Variants in ELMO1 observed in about 807,000 individuals in gnomAD.
ELMO1 encodes engulfment and cell motility 1, also known as engulfment and cell motility protein 1.
Under a neutral mutation model 98.9 loss-of-function variants are expected in ELMO1, and 26 were observed. The ratio of observed to expected loss-of-function variants is 0.26; its 90% confidence interval spans 0.19 to 0.36. ELMO1 has a LOEUF of 0.36. Among genes scored for constraint, ELMO1 ranks in the 10% least tolerant of loss-of-function variants. ELMO1 has a pLI of 1.00. For missense variants in ELMO1, 627 were observed against 935.2 expected (o/e 0.67, Z 4.30); for synonymous variants, 346 against 346.0 (o/e 1.00, Z 0.00).
intron 4 of ELMO1, among the ~76,000 whole-genome samples, chr7:37,290,501 A>G (rs1797619904): frequency 1.3e-5 from 2 of 152,240 alleles, no homozygotes; most frequent in South Asian, 4.1e-4. Context: ...CACAGAAACT[A>G]TTCAATAAGA....
At chr7:37,032,467 T>C (rs976720631) in intron 15 of ELMO1, among the ~76,000 whole-genome samples, 1 of 152,194 alleles carries the variant, frequency 6.6e-6, no homozygotes, top group Non-Finnish European at 1.5e-5. Context: ...AAAGGAGGGA[T>C]GCTCGAAGGA....
chr7:37,359,332 T>C (rs1210694072), intron 1 of ELMO1, among the ~76,000 whole-genome samples: 1 of 152,244 alleles, frequency 6.6e-6, no homozygotes, highest in Non-Finnish European at 1.5e-5. Context: ...ATTCTAATCC[T>C]AGTTTCACTA....
chr7:37,006,655 T>A (rs562872173), intron 16 of ELMO1, among the ~76,000 whole-genome samples: 1 of 152,268 alleles, frequency 6.6e-6, no homozygotes, highest in South Asian at 2.1e-4. Context: ...CACAAAGACA[T>A]ATACAATATA....
intron 16 of ELMO1, among the ~76,000 whole-genome samples, chr7:36,955,293 T>C (rs1412828590): frequency 1.3e-5 from 2 of 152,220 alleles, no homozygotes; most frequent in African/African-American, 4.8e-5. Flanking sequence ...CAGCTGCTTC[T>C]TTTTCTACCC....
intron 14 of ELMO1, among the ~76,000 whole-genome samples, chr7:37,131,263 T>C (rs934581751): frequency 1.1e-4 from 17 of 152,132 alleles, no homozygotes; most frequent in African/African-American, 4.1e-4. Flanking sequence ...TCATCTGAGA[T>C]ACAGGAAAGT....
chr7:36,904,690 T>C (rs1783828309), intron 16 of ELMO1, among the ~76,000 whole-genome samples: 1 of 152,222 alleles, frequency 6.6e-6, no homozygotes, highest in Non-Finnish European at 1.5e-5. Context: ...CAATTAGTGC[T>C]CAGTTGAAGA....
At chr7:37,101,806 C>T (rs766246231) in intron 14 of ELMO1, among the ~76,000 whole-genome samples, 2 of 152,030 alleles carry the variant, frequency 1.3e-5, no homozygotes, top group African/African-American at 2.4e-5. Flanking sequence ...CTGGCTCTCT[C>T]TCCTAGGAGA....
chr7:37,203,279 C>T (rs1390993598), intron 13 of ELMO1, among the ~76,000 whole-genome samples: 1 of 152,168 alleles, frequency 6.6e-6, no homozygotes, highest in African/African-American at 2.4e-5. Flanking sequence ...AGCATTCTCC[C>T]GTTAGTATTG....
intron 15 of ELMO1, among the ~76,000 whole-genome samples, chr7:37,031,144 C>T (rs908592463): frequency 2.0e-5 from 3 of 152,170 alleles, no homozygotes; most frequent in Non-Finnish European, 4.4e-5. Flanking sequence ...CAAAAGGCTA[C>T]AATGGTCTCC....
chr7:37,039,613 G>C (rs1336520259), intron 15 of ELMO1, among the ~76,000 whole-genome samples: 1 of 152,190 alleles, frequency 6.6e-6, no homozygotes, highest in African/African-American at 2.4e-5. Context: ...TGTCCTTATG[G>C]AAACAGGGAA....
chr7:37,269,156 T>G (rs770437774), intron 5 of ELMO1, among the ~76,000 whole-genome samples: 68 of 152,352 alleles, frequency 4.5e-4, no homozygotes, highest in Non-Finnish European at 8.2e-4. Context: ...TTCAGCTACA[T>G]GCAAAACTAT....
intron 16 of ELMO1, among the ~76,000 whole-genome samples, chr7:36,900,368 T>C (rs868113708): frequency 6.6e-6 from 1 of 152,238 alleles, no homozygotes; most frequent in Non-Finnish European, 1.5e-5. Flanking sequence ...TAGTACTTAA[T>C]ACAATGTATC....
intron 1 of ELMO1, among the ~76,000 whole-genome samples, chr7:37,356,267 G>A (rs1169506071): frequency 3.3e-5 from 5 of 152,112 alleles, no homozygotes. Flanking sequence ...AAACATACAC[G>A]TGCATGTGTC....
intron 16 of ELMO1, among the ~76,000 whole-genome samples, chr7:36,982,156 T>C (rs914018001): frequency 2.6e-5 from 4 of 152,236 alleles, no homozygotes; most frequent in African/African-American, 9.6e-5. Context: ...TGGAAAACTT[T>C]GATGTATGTT....
At chr7:36,927,072 G>A (rs1213088149) in intron 16 of ELMO1, among the ~76,000 whole-genome samples, 1 of 152,168 alleles carries the variant, frequency 6.6e-6, no homozygotes, top group Non-Finnish European at 1.5e-5. Flanking sequence ...AAATTGCCAT[G>A]CATTAGGAAC....
intron 1 of ELMO1, among the ~76,000 whole-genome samples, chr7:37,414,619 GA>G (rs1239534660): frequency 1.3e-5 from 2 of 152,154 alleles, no homozygotes; most frequent in Non-Finnish European, 1.5e-5. Flanking sequence ...GGCAGAGACA[GA>G]AAAAAAGAAA....
At chr7:37,217,329 G>A (rs1234909941) in intron 10 of ELMO1, among the ~76,000 whole-genome samples, 2 of 152,176 alleles carry the variant, frequency 1.3e-5, no homozygotes, top group Non-Finnish European at 2.9e-5. Context: ...TTTATTAAAG[G>A]AAATGATGCA....
intron 14 of ELMO1, among the ~76,000 whole-genome samples, chr7:37,119,796 G>T (rs1337109001): frequency 6.6e-6 from 1 of 152,014 alleles, no homozygotes; most frequent in Non-Finnish European, 1.5e-5. Context: ...TATTTTTAAA[G>T]GCATTTCTAT....
intron 16 of ELMO1, among the ~76,000 whole-genome samples, chr7:36,951,962 G>A (rs899973402): frequency 1.3e-5 from 2 of 152,218 alleles, no homozygotes; most frequent in African/African-American, 4.8e-5. Context: ...CAAAGCAAGG[G>A]ACTCTGAAGT....
Sources: gnomAD v4.1 joint callset for allele counts (sites outside exome capture counted in the v4.1 genomes callset) on GRCh38, gnomAD v4.1.1 for gene constraint, MANE v1.5 for transcripts, NCBI Gene and HGNC (gene_info 2026-07-23, HGNC 2026-07-21) for gene names.